PAH: variants seen among roughly 807,000 people sequenced by gnomAD.
The protein encoded by PAH is phenylalanine hydroxylase.
A neutral mutation model predicts 62.0 loss-of-function variants in PAH; 64 were observed. That is an observed-to-expected ratio of 1.03 (90% CI 0.84 to 1.27). The LOEUF is 1.27. Among genes scored for constraint, PAH ranks in the 50% most tolerant of loss-of-function variants. The pLI is 0.00. For synonymous variants in PAH, 195 were observed against 196.2 expected (o/e 0.99, Z 0.05); for missense variants, 579 against 542.8 (o/e 1.07, Z -0.66).
rs571901333 is a variant in PAH at position 102,874,480 on chromosome 12, A to G, written c.441+2982T>C. 2.0e-5 allele frequency among the ~76,000 whole-genome samples: 3 copies of G among 152,292 alleles called. No homozygotes were observed. In the East Asian group the frequency reaches 5.8e-4, roughly 29 times the overall value. On this transcript the variant is annotated intron_variant, in intron 4 of 12. Coordinates refer to ENST00000553106, the MANE Select transcript of PAH (RefSeq NM_000277.3). ...ATAGTTCACACACAGATGATGTTAC[A>G]CGGCCCTCTCCCTCTGAGATTTCTT...
At position 102,894,862 on chromosome 12, in the gene PAH, A is replaced by T; in HGVS notation, c.225T>A (p.Asp75Glu). ...IESRPSRLKK[D>E]EYEFFTHLDK... ...CCAAATGGGTGAAAAATTCATACTC[A>T]TCTTTCTTTAAACGAGAAGGTCTAG... Residue 75 changes from aspartate (D) to glutamate (E), a missense_variant, in exon 3 of 13, where the codon GAT becomes GAA. Asp to Glu is a conservative substitution (Grantham distance 45). Coordinates refer to ENST00000553106, the MANE Select transcript of PAH (RefSeq NM_000277.3). 1 of 1,613,812 alleles carries T rather than the reference A, an allele frequency of 6.2e-7. No individual in the cohort carries two copies. Among genetic ancestry groups the T allele is most frequent in the Non-Finnish European group, 8.5e-7 (1 of 1,179,804 alleles).
At chr12:102,902,875 T>G (rs1877817164) in intron 2 of PAH, among the ~76,000 whole-genome samples, 1 of 152,152 alleles carries the variant, frequency 6.6e-6, no homozygotes, top group Non-Finnish European at 1.5e-5. Flanking sequence ...CACCTCCCAC[T>G]TCATGAGATT....
intron 1 of PAH, among the ~76,000 whole-genome samples, chr12:102,944,369 C>T (rs569567591): frequency 3.3e-5 from 5 of 152,132 alleles, no homozygotes; most frequent in African/African-American, 1.2e-4. Context: ...TCTCTCTCTA[C>T]CTTCTCTTTA....
intron 1 of PAH, among the ~76,000 whole-genome samples, chr12:102,923,382 C>T (rs1246625556): frequency 2.0e-5 from 3 of 152,166 alleles, no homozygotes; most frequent in Non-Finnish European, 2.9e-5. Context: ...TCACACATTG[C>T]ACAGTTTGGT....
chr12:102,958,050 T>C lies in PAH; in HGVS notation c.-96+145A>G, dbSNP rs188342963. ...GGGAGGAGAAAAAGCATTTTCACTT[T>C]TTTTGCTCCCACTCTAAGAAGTCTC... On this transcript the variant is annotated intron_variant, in intron 1 of 4. Coordinates refer to the PAH transcript ENST00000551337. 3.9e-5 allele frequency: 16 copies of C among 409,318 alleles called. 1 individual carries two copies. In the East Asian group the frequency reaches 4.1e-4, roughly 10 times the overall value. 25.4% of individuals were successfully genotyped at this position (409,318 alleles called of 1,614,324 possible). A position where few individuals can be genotyped will look rare whatever the true frequency, so the allele number is the denominator to read the frequency against.
chr12:102,905,316 C>A (rs145883100), intron 2 of PAH, among the ~76,000 whole-genome samples: 2 of 152,300 alleles, frequency 1.3e-5, no homozygotes, highest in South Asian at 2.1e-4. Flanking sequence ...CCAAATAGCT[C>A]CCTGATTCAC....
intron 6 of PAH, chr12:102,854,549 A>C (rs149894957): frequency 1.1e-5 from 2 of 182,946 alleles, no homozygotes; most frequent in Non-Finnish European, 2.3e-5. Context: ...TGTATATGCA[A>C]GACTGTGCTG....
chr12:102,844,623 G>A (rs1380045459), intron 9 of PAH, among the ~76,000 whole-genome samples, 192 bp from the exon 10 acceptor site: 1 of 152,158 alleles, frequency 6.6e-6, no homozygotes, highest in African/African-American at 2.4e-5. Context: ...TCCTCATTGT[G>A]GGCGGGAACC....
intron 12 of PAH, 85 bp from the exon 13 acceptor site, chr12:102,839,303 A>G (rs1471582059): frequency 5.3e-6 from 7 of 1,333,004 alleles, no homozygotes; most frequent in Admixed American, 3.4e-5. Context: ...GCACTAGGGG[A>G]TAAGTGGGCT....
intron 1 of PAH, among the ~76,000 whole-genome samples, chr12:102,934,982 G>A (rs1314056570): frequency 6.6e-6 from 1 of 151,918 alleles, no homozygotes; most frequent in African/African-American, 2.4e-5. Context: ...CCAGACCTTT[G>A]AAGAAAGGCT....
At chr12:102,869,497 A>AT (rs1290595980) in intron 4 of PAH, among the ~76,000 whole-genome samples, 4 of 152,230 alleles carry the variant, frequency 2.6e-5, no homozygotes, top group South Asian at 4.1e-4. Flanking sequence ...TTCTTTTAGA[A>AT]TAAAAAAAAG....
At chr12:102,940,835 C>G (rs192086857) in intron 1 of PAH, among the ~76,000 whole-genome samples, 1 of 152,052 alleles carries the variant, frequency 6.6e-6, no homozygotes, top group South Asian at 2.1e-4. Context: ...CTCTGATATA[C>G]TATAAAAGAT....
intron 1 of PAH, among the ~76,000 whole-genome samples, chr12:102,916,081 T>C (rs1206789949): frequency 3.9e-5 from 6 of 152,168 alleles, no homozygotes; most frequent in Admixed American, 6.5e-5. Context: ...ACTCTGACTC[T>C]CACGCTGTTC....
intron 3 of PAH, among the ~76,000 whole-genome samples, chr12:102,883,344 G>A (rs1226363106): frequency 6.6e-6 from 1 of 152,152 alleles, no homozygotes; most frequent in Non-Finnish European, 1.5e-5. Flanking sequence ...CAGTCAGGGT[G>A]CACCACCTTG....
At chr12:102,857,163 G>C (rs930250617) in intron 5 of PAH, among the ~76,000 whole-genome samples, 1 of 152,196 alleles carries the variant, frequency 6.6e-6, no homozygotes. Flanking sequence ...ACCATGGCAC[G>C]AGAACTACGT....
Position 102,877,511 on chromosome 12 carries a change from A to G in PAH, c.392T>C (p.Phe131Ser), listed in dbSNP as rs1876624286. 1.9e-6 allele frequency: 3 copies of G among 1,614,104 alleles called. No homozygotes were observed. Among genetic ancestry groups the G allele is most frequent in the Non-Finnish European group, 2.5e-6 (3 of 1,180,012 alleles). ...FPRTIQELDR[F>S]ANQILSYGAE... ...TCCATAGCTGAGAATCTGATTGGCAAATCTGTCCAGCTCTTGAATGGTTCT... is the reference window on the plus strand; with the variant it reads ...TCCATAGCTGAGAATCTGATTGGCAGATCTGTCCAGCTCTTGAATGGTTCT... Residue 131 changes from phenylalanine to serine, a missense_variant, in exon 4 of 13, where the codon TTT becomes TCT. By Grantham distance (155) the Phe-to-Ser change is radical. Transcript: ENST00000553106.
chr12:102,884,446 TC>T (rs1258717598), intron 3 of PAH, among the ~76,000 whole-genome samples: 2 of 152,192 alleles, frequency 1.3e-5, no homozygotes, highest in Non-Finnish European at 2.9e-5. Context: ...GGTGTGCACA[TC>T]CTGGGTTTGA....
chr12:102,877,748 AT>A (rs1310176844), intron 3 of PAH, among the ~76,000 whole-genome samples, 198 bp from the exon 4 acceptor site: 1 of 152,180 alleles, frequency 6.6e-6, no homozygotes, highest in Non-Finnish European at 1.5e-5. Context: ...TCCCAAATAC[AT>A]TCTCTTTCCT....
chr12:102,951,239 C>G (rs1332807227), upstream of PAH, among the ~76,000 whole-genome samples: 1 of 152,176 alleles, frequency 6.6e-6, no homozygotes, highest in Non-Finnish European at 1.5e-5. Context: ...CTTTCGGGAA[C>G]CTGCAGAGCT....
Sources: allele counts gnomAD v4.1 joint callset (sites outside exome capture counted in the v4.1 genomes callset), GRCh38; gene constraint gnomAD v4.1.1; transcripts MANE v1.5; gene names NCBI Gene and HGNC (gene_info 2026-07-23, HGNC 2026-07-21).